Variants in MYO9A observed in about 807,000 individuals in gnomAD.
MYO9A encodes the protein myosin IXA.
A neutral mutation model predicts 293.3 loss-of-function variants in MYO9A; 103 were observed. That is an observed-to-expected ratio of 0.35 (90% CI 0.30 to 0.41). The LOEUF is 0.41. MYO9A is among the 10% of genes least tolerant of loss of function. The pLI, the probability that MYO9A is intolerant of heterozygous loss-of-function variation, is 1.00. For synonymous variants in MYO9A, 1,001 were observed against 1,035.7 expected (o/e 0.97, Z 0.64); for missense variants, 2,685 against 3,033.0 (o/e 0.89, Z 2.69).
rs568426932 is a variant in MYO9A at position 71,949,706 on chromosome 15, C to T, written c.2302+2071G>A. ...GTTCCTGGGGTCTTCCCTGCATACT[C>T]ACAGCAGTCGCCAGGGATATGGGCA... is the stretch of plus-strand genomic sequence containing the variant. On this transcript the variant is annotated intron_variant, in intron 15 of 41. Transcript: ENST00000356056. Among the ~76,000 whole-genome samples the T allele has an allele frequency of 1.3e-4, 19 of 150,142 alleles. No homozygotes were observed. The South Asian group carries it at 3.8e-3, about 30-fold the overall frequency.
intron 27 of MYO9A, among the ~76,000 whole-genome samples, chr15:71,884,501 T>C (rs1191588967): frequency 6.6e-6 from 1 of 152,156 alleles, no homozygotes; most frequent in African/African-American, 2.4e-5. Context: ...CTACTATAAA[T>C]ATGTTACAGG....
chr15:72,061,900 G>T (rs1253321083), intron 1 of MYO9A, among the ~76,000 whole-genome samples: 2 of 152,226 alleles, frequency 1.3e-5, no homozygotes, highest in African/African-American at 4.8e-5. Context: ...CCCGTTTTGT[G>T]CAGACTTCAG....
Position 71,898,711 on chromosome 15 carries a change from CT to C in MYO9A, c.3791del (p.Gln1264ArgfsTer4). On this transcript the variant is annotated frameshift_variant, in exon 25 of 42. Transcript: ENST00000356056. LOFTEE classifies it high-confidence loss of function. Reference sequence around the variant, plus strand: ...CTCTCTTAGCCCGGCCTACTTTTTTCTGATGGAGATCCTCCAAGGATCTGGG... The same window carrying C: ...CTCTCTTAGCCCGGCCTACTTTTTTCGATGGAGATCCTCCAAGGATCTGGG... ...ERPRSLEDLH[Q>X]KKVGRAKRES... The C allele has an allele frequency of 6.2e-7, 1 of 1,614,022 alleles. No individual in the cohort carries two copies. The highest frequency in any genetic ancestry group is 8.5e-7 in the Non-Finnish European group (1 of 1,179,986).
chr15:71,990,081 T>C (rs1408852832), intron 11 of MYO9A, among the ~76,000 whole-genome samples: 2 of 99,602 alleles, frequency 2.0e-5, no homozygotes. Context: ...AATAAGCATA[T>C]ATAAGCAATT....
At chr15:71,876,403 TGAG>T (rs2056688664) in intron 31 of MYO9A, among the ~76,000 whole-genome samples, 1 of 150,226 alleles carries the variant, frequency 6.7e-6, no homozygotes. Context: ...ATTGCGGGCT[TGAG>T]CCACCACGCC....
intron 32 of MYO9A, among the ~76,000 whole-genome samples, chr15:71,873,729 T>C (rs1221504502): frequency 6.6e-6 from 1 of 152,264 alleles, no homozygotes; most frequent in Non-Finnish European, 1.5e-5. Context: ...ATTGCACTTA[T>C]TACAGTTCCT....
chr15:71,828,079 A>G (rs931933284), intron 40 of MYO9A, 53 bp from the exon 41 acceptor site: 10 of 1,564,928 alleles, frequency 6.4e-6, no homozygotes, highest in African/African-American at 2.8e-5. Flanking sequence ...TGGAAGGAAG[A>G]TAACAGAAAA....
intron 1 of MYO9A, among the ~76,000 whole-genome samples, chr15:72,067,958 A>G (rs994397073): frequency 2.0e-5 from 3 of 152,236 alleles, no homozygotes; most frequent in Non-Finnish European, 4.4e-5. Flanking sequence ...TCATAAGAAC[A>G]ACACAAAGCA....
intron 19 of MYO9A, among the ~76,000 whole-genome samples, chr15:71,910,897 G>A (rs1195705445): frequency 1.3e-5 from 2 of 151,558 alleles, no homozygotes; most frequent in Non-Finnish European, 2.9e-5. Flanking sequence ...TCTTTTAATG[G>A]TGACTTTTTT....
At chr15:71,928,058 T>TATATATATATA (rs2058373166) in intron 18 of MYO9A, among the ~76,000 whole-genome samples, 2 of 3,720 alleles carry the variant, frequency 5.4e-4, no homozygotes, top group Non-Finnish European at 1.7e-3. Context: ...ATATATATAT[T>TATATATATATA]TTTTTTTTTT....
intron 13 of MYO9A, among the ~76,000 whole-genome samples, chr15:71,964,591 C>A (rs560820817): frequency 2.1e-5 from 3 of 143,120 alleles, no homozygotes; most frequent in Non-Finnish European, 4.5e-5. Flanking sequence ...ACCATCCTGG[C>A]CAACATGGTG....
At chr15:72,100,573 G>A (rs1270353479) in intron 1 of MYO9A, among the ~76,000 whole-genome samples, 2 of 149,292 alleles carry the variant, frequency 1.3e-5, no homozygotes, top group Non-Finnish European at 3.0e-5. Flanking sequence ...CTGCCCGGCC[G>A]CCCATCATCT....
At chr15:72,038,910 T>C (rs891069303) in intron 2 of MYO9A, among the ~76,000 whole-genome samples, 18 of 152,188 alleles carry the variant, frequency 1.2e-4, no homozygotes, top group Non-Finnish European at 2.5e-4. Flanking sequence ...TTTTACAGCA[T>C]GTATAATTAG....
At chr15:71,894,800 T>C (rs2057277570) in intron 25 of MYO9A, among the ~76,000 whole-genome samples, 1 of 152,184 alleles carries the variant, frequency 6.6e-6, no homozygotes, top group Non-Finnish European at 1.5e-5. Flanking sequence ...GATGAAAAAG[T>C]GTATATAACC....
intron 8 of MYO9A, among the ~76,000 whole-genome samples, chr15:72,006,705 G>A (rs559868956): frequency 1.3e-5 from 2 of 152,300 alleles, no homozygotes; most frequent in East Asian, 3.9e-4. Flanking sequence ...GAGATTGGGG[G>A]ATTCCACGAA....
intron 34 of MYO9A, among the ~76,000 whole-genome samples, chr15:71,856,051 C>G (rs1567201315): frequency 6.6e-6 from 1 of 152,150 alleles, no homozygotes; most frequent in Non-Finnish European, 1.5e-5. Flanking sequence ...TGGCTCACAC[C>G]TGTAATCCCA....
intron 9 of MYO9A, among the ~76,000 whole-genome samples, chr15:71,998,257 G>A (rs531896209): frequency 6.6e-6 from 1 of 152,282 alleles, no homozygotes; most frequent in African/African-American, 2.4e-5. Flanking sequence ...CTTCTAAGTG[G>A]AAACTAAATG....
intron 12 of MYO9A, among the ~76,000 whole-genome samples, chr15:71,973,999 C>A (rs537832942): frequency 6.6e-6 from 1 of 152,086 alleles, no homozygotes; most frequent in South Asian, 2.1e-4. Context: ...TGCTGGTAGC[C>A]CTGGGGGGCT....
At chr15:71,899,068 T>C (rs200839643) in intron 24 of MYO9A, 36 bp from the exon 25 acceptor site, 8 of 1,476,440 alleles carry the variant, frequency 5.4e-6, no homozygotes, top group East Asian at 2.3e-5. Context: ...TATAGAAATA[T>C]CTTAGTTACC....
Sources: allele counts gnomAD v4.1 joint callset (sites outside exome capture counted in the v4.1 genomes callset), GRCh38; gene constraint gnomAD v4.1.1; transcripts MANE v1.5; gene names NCBI Gene and HGNC (gene_info 2026-07-23, HGNC 2026-07-21).